Variants in BCKDHB observed in about 807,000 individuals in gnomAD.
BCKDHB encodes 2-oxoisovalerate dehydrogenase subunit beta, mitochondrial.
In BCKDHB, 41 loss-of-function variants were observed where a neutral mutation model predicts 48.5. The ratio of observed to expected loss-of-function variants is 0.85; its 90% confidence interval spans 0.66 to 1.10. BCKDHB has a LOEUF of 1.10. BCKDHB is among the 50% of genes least tolerant of loss of function. The pLI is 0.00. For missense variants in BCKDHB, 496 were observed against 494.2 expected (o/e 1.00, Z -0.03); for synonymous variants, 201 against 174.8 (o/e 1.15, Z -1.18).
At chr6:80,286,174 G>A (rs1766619324) in intron 9 of BCKDHB, among the ~76,000 whole-genome samples, 1 of 152,016 alleles carries the variant, frequency 6.6e-6, no homozygotes, top group African/African-American at 2.4e-5. Flanking sequence ...TGGGCGATCA[G>A]CACAATACAT....
intron 3 of BCKDHB, among the ~76,000 whole-genome samples, chr6:80,142,919 C>T (rs1771294627): frequency 6.6e-6 from 1 of 152,054 alleles, no homozygotes; most frequent in African/African-American, 2.4e-5. Flanking sequence ...ATTTCAATTT[C>T]TCAGAAGTCT....
chr6:80,144,423 CTG>C (rs1771370978), intron 3 of BCKDHB, among the ~76,000 whole-genome samples: 1 of 152,116 alleles, frequency 6.6e-6, no homozygotes. Context: ...CAATGCATAA[CTG>C]TTTATATGAA....
chr6:80,290,966 C>T (rs1766878946), intron 9 of BCKDHB, among the ~76,000 whole-genome samples: 1 of 152,126 alleles, frequency 6.6e-6, no homozygotes, highest in African/African-American at 2.4e-5. Flanking sequence ...TCAGGATGAC[C>T]TGAGGTCACT....
intron 3 of BCKDHB, among the ~76,000 whole-genome samples, chr6:80,138,535 T>A (rs1006157777): frequency 2.6e-5 from 4 of 151,918 alleles, no homozygotes. Context: ...TGAGTGAGAA[T>A]ATGTGGTGTT....
intron 6 of BCKDHB, among the ~76,000 whole-genome samples, chr6:80,178,853 A>G (rs970453079): frequency 6.6e-6 from 1 of 152,158 alleles, no homozygotes; most frequent in Non-Finnish European, 1.5e-5. Context: ...TTAAACCAAG[A>G]CATTTTGACA....
intron 8 of BCKDHB, among the ~76,000 whole-genome samples, chr6:80,203,550 T>C (rs561345884): frequency 6.6e-6 from 1 of 152,218 alleles, no homozygotes; most frequent in East Asian, 1.9e-4. Context: ...TTAGTTATGG[T>C]TCAGTAAGCT....
chr6:80,200,063 C>CAAAAA (rs55737130), intron 6 of BCKDHB, among the ~76,000 whole-genome samples: 1 of 32,770 alleles, frequency 3.1e-5, no homozygotes, highest in African/African-American at 8.9e-5. Context: ...GACCCTGTCT[C>CAAAAA]AAAAAAAAAA....
intron 1 of BCKDHB, among the ~76,000 whole-genome samples, chr6:80,123,037 A>G (rs1770126452): frequency 6.7e-6 from 1 of 149,030 alleles, no homozygotes; most frequent in Admixed American, 6.8e-5. Context: ...TTGCTAGGAA[A>G]AGAATTTAGC....
chr6:80,351,924 C>T, the BCKDHB span, among the ~76,000 whole-genome samples: 5 of 151,190 alleles, frequency 3.3e-5, no homozygotes, highest in East Asian at 2.0e-4. Context: ...CGGGTTCAAG[C>T]GATTCTCCTG....
chr6:80,200,088 A>G (rs1000510661), intron 6 of BCKDHB, among the ~76,000 whole-genome samples: 2 of 150,604 alleles, frequency 1.3e-5, no homozygotes, highest in East Asian at 1.9e-4. Flanking sequence ...AAAAAAAAAA[A>G]AGAACTAAAG....
At chr6:80,377,338 G>A in the BCKDHB span, among the ~76,000 whole-genome samples, 2 of 152,062 alleles carry the variant, frequency 1.3e-5, no homozygotes, top group Non-Finnish European at 2.9e-5. Flanking sequence ...CACCACACCT[G>A]GCCTGATTTT....
the BCKDHB span, chr6:80,374,055 T>C: frequency 1.5e-6 from 1 of 676,184 alleles, no homozygotes. Flanking sequence ...CAGTTTCTTC[T>C]GGGATATCTT....
rs75703155 is a variant in BCKDHB, at chr6:80,107,042, C to A, written c.196+153C>A. On this transcript the variant is annotated intron_variant, in intron 1 of 9. Transcript: ENST00000320393. ...GGAACCTCCTTGCCTCAGGGTCTAA[C>A]TGTGGTTCACTTCTTGCTCTATTTT... Among the ~76,000 whole-genome samples the A allele has an allele frequency of 0.012, 1,779 of 152,070 alleles. 31 individuals are homozygous for A. The highest frequency in any genetic ancestry group is 0.041 in the African/African-American group (1,693 of 41,496).
the BCKDHB span, chr6:80,356,337 A>C: frequency 6.6e-6 from 1 of 152,206 alleles, no homozygotes; most frequent in African/African-American, 2.4e-5. Context: ...CTGAACAATA[A>C]AAGTGTTCAA....
the BCKDHB span, among the ~76,000 whole-genome samples, chr6:80,426,278 T>C: frequency 6.6e-6 from 1 of 152,168 alleles, no homozygotes; most frequent in Admixed American, 6.5e-5. Flanking sequence ...TGGGAATAGT[T>C]GTTTCTAAAA....
intron 3 of BCKDHB, among the ~76,000 whole-genome samples, chr6:80,154,262 C>T (rs1257862370): frequency 6.6e-6 from 1 of 152,066 alleles, no homozygotes; most frequent in Admixed American, 6.6e-5. Flanking sequence ...TCATTTGTAG[C>T]AACTAACTAC....
the BCKDHB span, among the ~76,000 whole-genome samples, chr6:80,447,926 A>G: frequency 1.7e-4 from 26 of 152,320 alleles, 1 homozygote; most frequent in South Asian, 3.5e-3. Context: ...CATTTAACAC[A>G]TTTGTTTTGA....
intron 9 of BCKDHB, among the ~76,000 whole-genome samples, chr6:80,281,046 GTGTA>G (rs934891614): frequency 1.3e-5 from 2 of 149,436 alleles, no homozygotes; most frequent in African/African-American, 2.5e-5. Context: ...GTGTGTGTGT[GTGTA>G]TAAGGTAATG....
chr6:80,303,050 TA>T, intron 9 of BCKDHB, among the ~76,000 whole-genome samples: 2 of 152,262 alleles, frequency 1.3e-5, no homozygotes, highest in Non-Finnish European at 2.9e-5. Context: ...CTTGATTTAT[TA>T]AAAGTAGGAA....
Sources: allele counts gnomAD v4.1 joint callset (sites outside exome capture counted in the v4.1 genomes callset), GRCh38; gene constraint gnomAD v4.1.1; transcripts MANE v1.5; gene names NCBI Gene and HGNC (gene_info 2026-07-23, HGNC 2026-07-21).